Variants in RIMS2 observed in about 807,000 individuals in gnomAD.
RIMS2 encodes the protein regulating synaptic membrane exocytosis protein 2.
Under a neutral mutation model 174.4 loss-of-function variants are expected in RIMS2, and 59 were observed. The observed-to-expected ratio is 0.34, with a 90% CI of 0.27 to 0.42. RIMS2 has a LOEUF of 0.42. Ranked by LOEUF, RIMS2 falls within the 10% of genes least tolerant of loss-of-function variation. The pLI, the probability that RIMS2 is intolerant of heterozygous loss-of-function variation, is 1.00. For missense variants in RIMS2, 1,620 were observed against 1,666.3 expected (o/e 0.97, Z 0.48); for synonymous variants, 606 against 572.5 (o/e 1.06, Z -0.84).
intron 3 of RIMS2, among the ~76,000 whole-genome samples, chr8:103,820,449 CCTT>C (rs1014958311): frequency 5.3e-5 from 8 of 151,886 alleles, no homozygotes; most frequent in African/African-American, 1.7e-4. Context: ...TGCACTGAAA[CCTT>C]CTGGAAACCG....
chr8:104,248,120 T>G (rs2441811), intron 20 of RIMS2, among the ~76,000 whole-genome samples: 52,363 of 151,744 alleles, frequency 0.35, 9,483 homozygotes, highest in African/African-American at 0.47. Flanking sequence ...GTGGCAACAA[T>G]GAAAACATGA....
intron 4 of RIMS2, among the ~76,000 whole-genome samples, chr8:103,898,624 G>C (rs1454105015): frequency 1.3e-5 from 2 of 151,466 alleles, no homozygotes; most frequent in Non-Finnish European, 2.9e-5. Context: ...CATCACCTTT[G>C]TGCCCTTATT....
At chr8:103,652,323 T>C in intron 1 of RIMS2, 86 bp downstream of exon 2, 1 of 716,862 alleles carries the variant, frequency 1.4e-6, no homozygotes, top group East Asian at 5.2e-5. Flanking sequence ...ACACTAATAC[T>C]GGATAGGCTG....
chr8:103,663,350 C>G (rs1455796383), intron 1 of RIMS2, among the ~76,000 whole-genome samples: 2 of 152,122 alleles, frequency 1.3e-5, no homozygotes. Flanking sequence ...CAAATTGTCT[C>G]TGTTTGCGGA....
intron 4 of RIMS2, among the ~76,000 whole-genome samples, chr8:103,905,253 CTTTAG>C (rs1024961723): frequency 6.6e-6 from 1 of 151,810 alleles, no homozygotes; most frequent in African/African-American, 2.4e-5. Flanking sequence ...CAAGAACTTC[CTTTAG>C]TTATTTTTTT....
intron 3 of RIMS2, among the ~76,000 whole-genome samples, chr8:103,882,344 A>G (rs1167232157): frequency 6.6e-6 from 1 of 151,618 alleles, no homozygotes; most frequent in African/African-American, 2.4e-5. Context: ...GTATATATGA[A>G]GTAATTCATA....
At chr8:104,111,335 G>A (rs1381063690) in intron 19 of RIMS2, among the ~76,000 whole-genome samples, 1 of 152,062 alleles carries the variant, frequency 6.6e-6, no homozygotes, top group African/African-American at 2.4e-5. Context: ...TGTTGTTTGG[G>A]GAATCACTTC....
intron 19 of RIMS2, among the ~76,000 whole-genome samples, chr8:104,138,162 T>C (rs377053289): frequency 3.3e-5 from 5 of 152,308 alleles, no homozygotes; most frequent in African/African-American, 1.2e-4. Flanking sequence ...CCATTGTATG[T>C]ATGTACCACA....
intron 19 of RIMS2, among the ~76,000 whole-genome samples, chr8:104,100,376 C>T (rs570377699): frequency 6.6e-6 from 1 of 152,126 alleles, no homozygotes; most frequent in Non-Finnish European, 1.5e-5. Context: ...TATAGGAGAT[C>T]ATGTCACCTG....
intron 1 of RIMS2, among the ~76,000 whole-genome samples, chr8:103,684,599 A>ATTTTATTTTG (rs2096919334): frequency 8.8e-6 from 1 of 113,164 alleles, no homozygotes; most frequent in Non-Finnish European, 1.8e-5. Flanking sequence ...ATTTTATTTT[A>ATTTTATTTTG]TTTTTGAGAC....
chr8:103,900,632 G>T (rs2154524234), intron 4 of RIMS2, among the ~76,000 whole-genome samples: 1 of 152,152 alleles, frequency 6.6e-6, no homozygotes, highest in East Asian at 1.9e-4. Context: ...TTAAAAGTGG[G>T]GTTATGATGA....
At chr8:103,702,764 A>G (rs551364981) in intron 2 of RIMS2, among the ~76,000 whole-genome samples, 35 of 147,912 alleles carry the variant, frequency 2.4e-4, no homozygotes, top group Non-Finnish European at 3.6e-4. Context: ...CCCTGGGTCT[A>G]TGTCTGTTTT....
At chr8:104,221,394 C>T (rs2099154500) in intron 19 of RIMS2, among the ~76,000 whole-genome samples, 1 of 151,920 alleles carries the variant, frequency 6.6e-6, no homozygotes, top group African/African-American at 2.4e-5. Context: ...TCATTTGTGA[C>T]CCACAGTTTA....
intron 1 of RIMS2, among the ~76,000 whole-genome samples, chr8:103,523,206 G>A (rs1832545703): frequency 6.6e-6 from 1 of 151,866 alleles, no homozygotes; most frequent in Non-Finnish European, 1.5e-5. Flanking sequence ...TTACATAGAG[G>A]ATGTCTTGAG....
At chr8:104,249,908 T>G (rs1012107822) in intron 22 of RIMS2, among the ~76,000 whole-genome samples, 4 of 152,210 alleles carry the variant, frequency 2.6e-5, no homozygotes, top group Non-Finnish European at 5.9e-5. Flanking sequence ...TTAGCTAGTC[T>G]TTTGTGTTAT....
chr8:103,739,252 C>G (rs2097728329), intron 2 of RIMS2, among the ~76,000 whole-genome samples: 1 of 152,094 alleles, frequency 6.6e-6, no homozygotes, highest in Non-Finnish European at 1.5e-5. Context: ...AGCTGGAAAC[C>G]ATCATTCTCA....
intron 17 of RIMS2, among the ~76,000 whole-genome samples, chr8:104,008,215 A>G (rs1157458509): frequency 6.6e-6 from 1 of 152,114 alleles, no homozygotes; most frequent in Non-Finnish European, 1.5e-5. Flanking sequence ...TACATTTGAC[A>G]AATCATTATT....
At chr8:104,248,838 C>T in intron 21 of RIMS2, 25 bp downstream of exon 27, 1 of 1,157,540 alleles carries the variant, frequency 8.6e-7, no homozygotes, top group Non-Finnish European at 1.3e-6. Context: ...CACATGATTT[C>T]ACTATTTTGT....
intron 19 of RIMS2, among the ~76,000 whole-genome samples, chr8:104,058,911 C>G (rs1490136117): frequency 6.6e-6 from 1 of 152,142 alleles, no homozygotes; most frequent in South Asian, 2.1e-4. Flanking sequence ...GGGCTCTGTT[C>G]TGTTGCATTG....
Sources: gnomAD v4.1 joint callset for allele counts (sites outside exome capture counted in the v4.1 genomes callset) on GRCh38, gnomAD v4.1.1 for gene constraint, MANE v1.5 for transcripts, NCBI Gene and HGNC (gene_info 2026-07-23, HGNC 2026-07-21) for gene names.